KCNIP1: variants seen among roughly 807,000 people sequenced by gnomAD.
KCNIP1 encodes potassium voltage-gated channel interacting protein 1, also known as A-type potassium channel modulatory protein KCNIP1.
Under a neutral mutation model 33.0 loss-of-function variants are expected in KCNIP1, and 18 were observed. The ratio of observed to expected loss-of-function variants is 0.55; its 90% CI spans 0.38 to 0.81. The LOEUF is 0.81. Among genes scored for constraint, KCNIP1 ranks in the 30% least tolerant of loss-of-function variants. KCNIP1 has a pLI of 0.00. For missense variants in KCNIP1, 238 were observed against 271.6 expected (o/e 0.88, Z 0.87); for synonymous variants, 93 against 98.3 (o/e 0.95, Z 0.32).
chr5:170,544,494 A>T (rs1756338213), intron 1 of KCNIP1, among the ~76,000 whole-genome samples: 1 of 152,064 alleles, frequency 6.6e-6, no homozygotes, highest in Non-Finnish European at 1.5e-5. Flanking sequence ...GCTACTGTTC[A>T]TCATTTTAGT....
chr5:170,727,119 C>T (rs1173959842), intron 5 of KCNIP1, among the ~76,000 whole-genome samples: 5 of 152,124 alleles, frequency 3.3e-5, no homozygotes, highest in African/African-American at 1.2e-4. Flanking sequence ...TATTACTCAG[C>T]AGTAAAAAGG....
rs1298932186 is a variant in KCNIP1, at chr5:170,736,242, G to A, written c.*436G>A. 2 of 171,460 alleles carry A rather than the reference G, an allele frequency of 1.2e-5. No homozygotes were observed. The highest frequency in any genetic ancestry group is 2.5e-5 in the Non-Finnish European group (2 of 79,796). 10.6% of individuals were successfully genotyped at this position (171,460 alleles called of 1,614,324 possible). On this transcript the variant is annotated 3_prime_UTR_variant, in exon 8 of 8. Transcript: ENST00000328939. ...ATCTCTGATGGCCTCCCAAACCAAT[G>A]TGCCTGTTTCTCTTCCTTTGGTGGG...
chr5:170,525,362 A>T (rs1441658645), intron 1 of KCNIP1, among the ~76,000 whole-genome samples: 1 of 152,222 alleles, frequency 6.6e-6, no homozygotes, highest in Non-Finnish European at 1.5e-5. Flanking sequence ...CCTGCCCCAT[A>T]GAGTTGTGTG....
chr5:170,622,789 C>T (rs1035697730), intron 1 of KCNIP1, among the ~76,000 whole-genome samples: 1 of 152,104 alleles, frequency 6.6e-6, no homozygotes, highest in Non-Finnish European at 1.5e-5. Context: ...GGGAGCACAG[C>T]CCTGCTGACA....
At chr5:170,670,914 T>A (rs10053889) in intron 1 of KCNIP1, among the ~76,000 whole-genome samples, 79,521 of 145,738 alleles carry the variant, frequency 0.55, 21,621 homozygotes, top group South Asian at 0.65. Flanking sequence ...AAAAAAAAAA[T>A]AAAAAAAAAA....
At chr5:170,530,781 G>T (rs1027018233) in intron 1 of KCNIP1, among the ~76,000 whole-genome samples, 5 of 152,200 alleles carry the variant, frequency 3.3e-5, no homozygotes, top group Admixed American at 6.5e-5. Context: ...GATGAAGCGT[G>T]AATTCATTTC....
chr5:170,355,563 A>G (rs540840172), intron 1 of KCNIP1, among the ~76,000 whole-genome samples: 2 of 152,146 alleles, frequency 1.3e-5, no homozygotes, highest in South Asian at 4.1e-4. Flanking sequence ...GAGATGGGGG[A>G]ATCATGGGGG....
intron 1 of KCNIP1, among the ~76,000 whole-genome samples, chr5:170,466,197 G>A (rs533867131): frequency 6.6e-6 from 1 of 152,294 alleles, no homozygotes; most frequent in East Asian, 1.9e-4. Flanking sequence ...AGAAGGCAAT[G>A]TCAAGAGTGA....
intron 1 of KCNIP1, among the ~76,000 whole-genome samples, chr5:170,648,350 T>C (rs1454064647): frequency 6.6e-6 from 1 of 152,208 alleles, no homozygotes; most frequent in East Asian, 1.9e-4. Context: ...GCAGCTTTAT[T>C]CATAATTGAC....
intron 1 of KCNIP1, chr5:170,354,034 G>T: frequency 7.2e-7 from 1 of 1,392,300 alleles, no homozygotes; most frequent in Non-Finnish European, 1.0e-6. Flanking sequence ...GCCTCGGTGT[G>T]GTGAGCGTGA....
intron 1 of KCNIP1, among the ~76,000 whole-genome samples, chr5:170,421,428 A>T (rs905574320): frequency 6.6e-6 from 1 of 152,168 alleles, no homozygotes; most frequent in Non-Finnish European, 1.5e-5. Flanking sequence ...TATGGCTGCT[A>T]TAACAAAATA....
At chr5:170,432,382 T>C (rs551629489) in intron 1 of KCNIP1, among the ~76,000 whole-genome samples, 1 of 152,364 alleles carries the variant, frequency 6.6e-6, no homozygotes, top group Non-Finnish European at 1.5e-5. Flanking sequence ...GCCTGGCACC[T>C]AACCTAATCC....
intron 1 of KCNIP1, among the ~76,000 whole-genome samples, chr5:170,516,652 T>A (rs1755134158): frequency 6.6e-6 from 1 of 152,192 alleles, no homozygotes; most frequent in African/African-American, 2.4e-5. Context: ...GGCCATTCCA[T>A]AACAGCTTAG....
chr5:170,547,998 A>T (rs1404953532), intron 1 of KCNIP1, among the ~76,000 whole-genome samples: 1 of 152,176 alleles, frequency 6.6e-6, no homozygotes. Context: ...ACAGTATAAC[A>T]TCGCTCCTTT....
At chr5:170,403,219 C>G (rs1240274290) in intron 1 of KCNIP1, among the ~76,000 whole-genome samples, 3 of 152,080 alleles carry the variant, frequency 2.0e-5, no homozygotes, top group African/African-American at 4.8e-5. Context: ...GAGGGGGTGA[C>G]AGAAAGATAG....
At chr5:170,726,733 C>G (rs1581551626) in intron 5 of KCNIP1, among the ~76,000 whole-genome samples, 1 of 94,690 alleles carries the variant, frequency 1.1e-5, no homozygotes, top group African/African-American at 4.2e-5. Flanking sequence ...GACACTGTCT[C>G]TACTAAAAAT....
At chr5:170,555,382 T>C (rs2113436067) in intron 1 of KCNIP1, among the ~76,000 whole-genome samples, 1 of 152,342 alleles carries the variant, frequency 6.6e-6, no homozygotes, top group Admixed American at 6.5e-5. Context: ...ATGGAGCACC[T>C]ACCATGTGCC....
At position 170,418,679 on chromosome 5, in the gene KCNIP1, C is replaced by T. The variant is rs1755396295; in HGVS notation, c.88+64715C>T. 2.0e-5 allele frequency among the ~76,000 whole-genome samples: 3 copies of T among 152,208 alleles called. No homozygotes were observed. In the South Asian group the frequency reaches 6.2e-4, roughly 31 times the overall value. ...AGTACTTTTCAGCCTGAGGTCTCCTCCTCACCACTAACACCCTTCCCTCCA... is the reference window on the plus strand; with the variant it reads ...AGTACTTTTCAGCCTGAGGTCTCCTTCTCACCACTAACACCCTTCCCTCCA... On this transcript the variant is annotated intron_variant, in intron 1 of 7. Transcript: ENST00000377360.
At chr5:170,706,986 G>A (rs1251559152) in intron 1 of KCNIP1, among the ~76,000 whole-genome samples, 1 of 152,040 alleles carries the variant, frequency 6.6e-6, no homozygotes. Context: ...CTTCAGGGTG[G>A]TGTCCAGCTG....
Sources: allele counts gnomAD v4.1 joint callset (sites outside exome capture counted in the v4.1 genomes callset), GRCh38; gene constraint gnomAD v4.1.1; transcripts MANE v1.5; gene names NCBI Gene and HGNC (gene_info 2026-07-23, HGNC 2026-07-21).